The following HMCN2 variants were observed in gnomAD, a reference collection of about 807,000 sequenced individuals.
HMCN2 encodes the protein hemicentin-2.
In HMCN2, 325 loss-of-function variants were observed where a neutral mutation model predicts 377.5. That is an observed-to-expected ratio of 0.86 (90% CI 0.79 to 0.94). The LOEUF (loss-of-function observed/expected upper bound fraction) is 0.94, where lower values mean the gene tolerates loss of function less well. HMCN2 is among the 40% of genes least tolerant of loss of function. HMCN2 has a pLI of 0.00. For synonymous variants in HMCN2, 2,007 were observed against 2,046.8 expected, an observed-to-expected ratio of 0.98 and a Z score of 0.53; for missense variants, 4,543 against 4,725.3, an observed-to-expected ratio of 0.96 and a Z score of 1.13.
At chr9:130,426,940 G>A (rs1329398944) in intron 90 of HMCN2, among the ~76,000 whole-genome samples, 2 of 152,058 alleles carry the variant, frequency 1.3e-5, no homozygotes, top group Admixed American at 1.3e-4. Context: ...CCCTGCCTTT[G>A]CTTTTGCTGC....
intron 85 of HMCN2, among the ~76,000 whole-genome samples, chr9:130,416,650 C>T (rs907424524): frequency 6.6e-6 from 1 of 152,142 alleles, no homozygotes; most frequent in African/African-American, 2.4e-5. Flanking sequence ...CTCCAGTGAA[C>T]ACGCACACAC....
At chr9:130,386,888 A>G (rs1842051032) in intron 61 of HMCN2, among the ~76,000 whole-genome samples, 2 of 152,242 alleles carry the variant, frequency 1.3e-5, no homozygotes, top group African/African-American at 2.4e-5. Context: ...GGAGCTTAGT[A>G]GAGTGACTTT....
At chr9:130,355,073 G>A (rs778568686) in intron 32 of HMCN2, 29 bp downstream of exon 32, 93 of 1,245,034 alleles carry the variant, frequency 7.5e-5, no homozygotes, top group Non-Finnish European at 9.5e-5. Flanking sequence ...ACTCAGAGCT[G>A]CCTGGGCTGT....
At chr9:130,310,093 C>T (rs369684825) in intron 15 of HMCN2, 32 bp downstream of exon 15, 4 of 495,038 alleles carry the variant, frequency 8.1e-6, no homozygotes, top group African/African-American at 7.9e-5. Flanking sequence ...CCCTCCCCTG[C>T]CCATTCCCCT....
Position 130,379,471 on chromosome 9 carries a change from G to T in HMCN2, c.8431+4G>T, listed in dbSNP as rs1841581596. ...GATGAGGTGTCTGTGCTGCAAGGTGGGTCAGGGGTGCGTGAAGAAAGTGGG... is the reference window on the plus strand; with the variant it reads ...GATGAGGTGTCTGTGCTGCAAGGTGTGTCAGGGGTGCGTGAAGAAAGTGGG... On this transcript the variant is annotated splice_donor_region_variant and intron_variant, in intron 54 of 97. Coordinates refer to ENST00000683500, the MANE Select transcript of HMCN2 (RefSeq NM_001291815.2). 1.0e-6 allele frequency: 1 copy of T among 985,588 alleles called. No homozygotes were observed. The highest frequency in any genetic ancestry group is 1.7e-5 in the African/African-American group (1 of 57,332). The allele number at this position is 985,588 out of a possible 1,614,324, so 61.1% of individuals were successfully genotyped here.
At chr9:130,419,133 G>A in intron 86 of HMCN2, 92 bp downstream of exon 86, 1 of 1,239,470 alleles carries the variant, frequency 8.1e-7, no homozygotes, top group Non-Finnish European at 1.1e-6. Flanking sequence ...CCTGTCCCCT[G>A]CCTTGCCAGC....
chr9:130,407,519 A>C lies in HMCN2; in HGVS notation c.12554-52A>C, dbSNP rs114790834. On this transcript the variant is annotated intron_variant, in intron 82 of 97. Coordinates refer to ENST00000683500, the MANE Select transcript of HMCN2 (RefSeq NM_001291815.2). The stretch of plus-strand genomic sequence containing the variant: ...TCCTGCAGGTACCCAGGCACCAGGG[A>C]AGTGTTTAGGGCAGGAGTTCCCTGC... 2.5e-3 allele frequency: 3,226 copies of C among 1,270,328 alleles called. 82 individuals carry two copies. The African/African-American group carries it at 0.046, about 18-fold the overall frequency. The allele number at this position is 1,270,328 out of a possible 1,614,324, so 78.7% of individuals were successfully genotyped here. A position where few individuals can be genotyped will look rare whatever the true frequency, so the allele number is the denominator to read the frequency against.
intron 55 of HMCN2, 50 bp from the exon 56 acceptor site, chr9:130,382,629 G>GC: frequency 4.5e-6 from 1 of 224,086 alleles, no homozygotes; most frequent in Non-Finnish European, 7.2e-6. Flanking sequence ...GGCCACCCCC[G>GC]CCCCCAGGGA....
chr9:130,405,709 G>A (rs977482754), intron 81 of HMCN2, among the ~76,000 whole-genome samples: 3 of 152,236 alleles, frequency 2.0e-5, no homozygotes, highest in African/African-American at 7.2e-5. Flanking sequence ...GTAGGTGTTT[G>A]GTAAACACTG....
At chr9:130,358,264 C>A in intron 35 of HMCN2, 126 bp from the exon 36 acceptor site, 1 of 1,136,934 alleles carries the variant, frequency 8.8e-7, no homozygotes, top group Non-Finnish European at 1.2e-6. Flanking sequence ...ACTCTACCTC[C>A]AGAGCCAAAA....
Position 130,423,602 on chromosome 9 carries a change from C to T in HMCN2, c.13381+876C>T, listed in dbSNP as rs1292652381. Among the ~76,000 whole-genome samples the T allele has an allele frequency of 2.0e-5, 3 of 152,168 alleles. No homozygotes were observed. In the East Asian group the frequency reaches 5.8e-4, roughly 29 times the overall value. ...GCACAGAGAGGCTGGGAAGGTGGTG[C>T]CCATGCACAGGGGCCTGGCCAGCTC... On this transcript the variant is annotated intron_variant, in intron 87 of 97. Transcript: ENST00000683500. The surrounding 1 kb of genome is among the most constrained non-coding windows in gnomAD (Gnocchi z 5.5).
At chr9:130,430,187 G>T in intron 94 of HMCN2, 97 bp from the exon 95 acceptor site, 2 of 1,029,184 alleles carry the variant, frequency 1.9e-6, no homozygotes, top group Non-Finnish European at 2.8e-6. Flanking sequence ...GGATTCTAGG[G>T]AATGCCAACA....
intron 19 of HMCN2, among the ~76,000 whole-genome samples, chr9:130,322,845 T>C (rs999978356): frequency 0.88 from 134,063 of 152,248 alleles, 59,356 homozygotes; most frequent in East Asian, 0.97. Context: ...ACATTTCAAA[T>C]TAAATTTGGT....
intron 85 of HMCN2, among the ~76,000 whole-genome samples, chr9:130,412,664 C>T (rs952056024): frequency 2.0e-5 from 3 of 151,268 alleles, no homozygotes; most frequent in Non-Finnish European, 4.4e-5. Context: ...GCAACTTCCA[C>T]CTCCAAGGTT....
chr9:130,431,994 C>T (rs1328050693), intron 96 of HMCN2, among the ~76,000 whole-genome samples: 2 of 152,246 alleles, frequency 1.3e-5, no homozygotes, highest in Admixed American at 6.5e-5. Context: ...GAACAGGAAC[C>T]ATGCCTGCCC....
At chr9:130,424,742 C>T (rs776701389) in intron 87 of HMCN2, 34 bp from the exon 88 acceptor site, 3 of 1,506,598 alleles carry the variant, frequency 2.0e-6, no homozygotes, top group Non-Finnish European at 2.7e-6. Context: ...TGAGGATCAG[C>T]TCTAACCCGG....
Position 130,427,528 on chromosome 9 carries a change from C to G in HMCN2, c.13974C>G (p.Pro4658=), listed in dbSNP as rs1159149634. ...ACGAGTGCTCAGGAGGCCCTAGCCC[C>G]TGCTCCCATGCCTGCCTTAATGCAC... The part of the protein sequence containing the change: ...DRDECSGGPS[P]CSHACLNAPG... The change falls in exon 92 of 98, where the codon CCC becomes CCG. Residue 4658 remains proline, a synonymous_variant. Transcript: ENST00000683500. The G allele has an allele frequency of 6.4e-7, 1 of 1,550,416 alleles. No individual in the cohort carries two copies. Among genetic ancestry groups the G allele is most frequent in the East Asian group, 2.4e-5 (1 of 40,926 alleles).
At chr9:130,301,575 G>A (rs1836515654) in intron 8 of HMCN2, among the ~76,000 whole-genome samples, 1 of 152,228 alleles carries the variant, frequency 6.6e-6, no homozygotes, top group Admixed American at 6.5e-5. Context: ...GGCTCCCAGG[G>A]TGCGTGGGTG....
At position 130,394,346 on chromosome 9, in the gene HMCN2, G is replaced by A; in HGVS notation, c.10502-39G>A. ...TCAAGTGCGGTGCTGTCCCGGAAAT[G>A]TGTGTCAATTGTGTGTTCCCCTCCA... is the stretch of plus-strand genomic sequence containing the variant. On this transcript the variant is annotated intron_variant, in intron 68 of 97. Transcript: ENST00000683500. This position sits in a 1 kb window ranked among gnomAD's most constrained non-coding sequence, Gnocchi z 5.1. The A allele has an allele frequency of 8.1e-7, 1 of 1,238,604 alleles. No homozygotes were observed. The allele number at this position is 1,238,604 out of a possible 1,614,324, so 76.7% of individuals were successfully genotyped here.
Sources: gnomAD v4.1 joint callset for allele counts (sites outside exome capture counted in the v4.1 genomes callset) on GRCh38, gnomAD v4.1.1 for gene constraint, Gnocchi (gnomAD v3.1) non-coding constraint, MANE v1.5 for transcripts, NCBI Gene and HGNC (gene_info 2026-07-23, HGNC 2026-07-21) for gene names.